CDH18: variants seen among roughly 807,000 people sequenced by gnomAD.
CDH18 encodes the protein cadherin-18.
Under a neutral mutation model 67.9 loss-of-function variants are expected in CDH18, and 31 were observed. The observed-to-expected ratio is 0.46, with a 90% CI of 0.34 to 0.62. CDH18 has a LOEUF of 0.62. Among genes scored for constraint, CDH18 ranks in the 20% least tolerant of loss-of-function variants. CDH18 has a pLI of 0.01. For synonymous variants in CDH18, 362 were observed against 347.2 expected, an observed-to-expected ratio of 1.04 and a Z score of -0.48; for missense variants, 890 against 975.5, an observed-to-expected ratio of 0.91 and a Z score of 1.17.
intron 4 of CDH18, among the ~76,000 whole-genome samples, chr5:19,731,205 T>C (rs1264239393): frequency 6.6e-6 from 1 of 152,116 alleles, no homozygotes; most frequent in Non-Finnish European, 1.5e-5. Context: ...ATCCCAGCAC[T>C]TTGGGAGGCC....
intron 1 of CDH18, among the ~76,000 whole-genome samples, chr5:20,526,947 G>A (rs2126540050): frequency 6.6e-6 from 1 of 152,138 alleles, no homozygotes; most frequent in East Asian, 1.9e-4. Context: ...GACAGAAGTA[G>A]GCTTCAGAAA....
chr5:20,343,156 C>T (rs1055878642), intron 1 of CDH18, among the ~76,000 whole-genome samples: 3 of 152,082 alleles, frequency 2.0e-5, no homozygotes, highest in South Asian at 2.1e-4. Flanking sequence ...GCAAGGTGGG[C>T]GTAGCTACCA....
chr5:20,542,543 G>GAT (rs1457368065), intron 1 of CDH18, among the ~76,000 whole-genome samples: 1 of 151,042 alleles, frequency 6.6e-6, no homozygotes, highest in Non-Finnish European at 1.5e-5. Context: ...TATGCATATG[G>GAT]ATATATATAC....
chr5:20,110,619 G>A (rs1747378449), intron 2 of CDH18, among the ~76,000 whole-genome samples: 1 of 152,062 alleles, frequency 6.6e-6, no homozygotes, highest in Non-Finnish European at 1.5e-5. Context: ...GGGAGGCAGA[G>A]GTTTCAGTTA....
chr5:20,265,000 A>T (rs1744923450), intron 1 of CDH18, among the ~76,000 whole-genome samples: 1 of 152,184 alleles, frequency 6.6e-6, no homozygotes, highest in African/African-American at 2.4e-5. Flanking sequence ...ATTGATAATG[A>T]TACGAGAGAC....
At chr5:19,850,356 T>A (rs1483319818) in intron 2 of CDH18, among the ~76,000 whole-genome samples, 3 of 151,930 alleles carry the variant, frequency 2.0e-5, no homozygotes, top group African/African-American at 7.2e-5. Flanking sequence ...CTTAAAATTA[T>A]AAAGTAAATG....
chr5:20,540,181 C>T (rs1171922104), intron 1 of CDH18, among the ~76,000 whole-genome samples: 1 of 152,130 alleles, frequency 6.6e-6, no homozygotes, highest in Non-Finnish European at 1.5e-5. Flanking sequence ...AGTAGAGAGA[C>T]TTGTGTCTTC....
chr5:19,811,062 G>A (rs1033050433), intron 3 of CDH18, among the ~76,000 whole-genome samples: 1 of 141,172 alleles, frequency 7.1e-6, no homozygotes, highest in Non-Finnish European at 1.5e-5. Flanking sequence ...AAAGGAAAAG[G>A]GAAGGGAGAA....
At chr5:20,330,593 C>T (rs1739079421) in intron 1 of CDH18, among the ~76,000 whole-genome samples, 1 of 152,140 alleles carries the variant, frequency 6.6e-6, no homozygotes, top group Non-Finnish European at 1.5e-5. Flanking sequence ...CTTCTAGCAA[C>T]ATTTGATTGG....
intron 10 of CDH18, among the ~76,000 whole-genome samples, chr5:19,508,718 C>T (rs1744630673): frequency 6.6e-6 from 1 of 151,994 alleles, no homozygotes; most frequent in East Asian, 1.9e-4. Context: ...GTTACTGTTA[C>T]TGTTACTGTT....
chr5:20,392,658 A>ATAG (rs1368175476), intron 1 of CDH18, among the ~76,000 whole-genome samples: 1 of 151,944 alleles, frequency 6.6e-6, no homozygotes, highest in Non-Finnish European at 1.5e-5. Context: ...GGTCTGGAAT[A>ATAG]TAGGTCTTTG....
chr5:19,623,847 A>G (rs1751080637), intron 5 of CDH18, among the ~76,000 whole-genome samples: 1 of 114,634 alleles, frequency 8.7e-6, no homozygotes, highest in African/African-American at 2.5e-5. Flanking sequence ...ACATAGGTCC[A>G]TAAGTAACTG....
intron 2 of CDH18, among the ~76,000 whole-genome samples, chr5:20,088,372 AT>A (rs1311031525): frequency 6.6e-6 from 1 of 152,220 alleles, no homozygotes; most frequent in Non-Finnish European, 1.5e-5. Flanking sequence ...AAGTTTCGGA[AT>A]GGTCATATGA....
At chr5:20,046,661 A>T (rs933693317) in intron 2 of CDH18, among the ~76,000 whole-genome samples, 3 of 149,124 alleles carry the variant, frequency 2.0e-5, no homozygotes, top group African/African-American at 7.3e-5. Flanking sequence ...TGTCTGTGTG[A>T]ATATGTGTGT....
chr5:20,433,140 TTC>T (rs1369549801), intron 1 of CDH18, among the ~76,000 whole-genome samples: 2 of 151,202 alleles, frequency 1.3e-5, no homozygotes, highest in Non-Finnish European at 2.9e-5. Flanking sequence ...AATTGTGTCC[TTC>T]TCCAATTTAT....
At chr5:20,342,128 G>A (rs758400397) in intron 1 of CDH18, among the ~76,000 whole-genome samples, 1 of 152,128 alleles carries the variant, frequency 6.6e-6, no homozygotes, top group East Asian at 1.9e-4. Flanking sequence ...CATATGAGTG[G>A]CTGACCTGCA....
At position 20,466,383 on chromosome 5, in the gene CDH18, C is replaced by T. The variant is rs998570190; in HGVS notation, c.-580+109079G>A. On this transcript the variant is annotated intron_variant, in intron 1 of 14. Transcript: ENST00000507958. Reference sequence around the variant, plus strand: ...TATTTCAGATTGGGAAGTTCTTTATCGGAAAATCAATAAAATCTTGCAGCC... The same window carrying T: ...TATTTCAGATTGGGAAGTTCTTTATTGGAAAATCAATAAAATCTTGCAGCC... Among the ~76,000 whole-genome samples, 49 of 152,118 alleles carry T rather than the reference C, an allele frequency of 3.2e-4. 1 individual carries two copies. Among genetic ancestry groups the T allele is most frequent in the Admixed American group, 3.0e-3 (46 of 15,276 alleles).
intron 2 of CDH18, among the ~76,000 whole-genome samples, chr5:20,030,134 A>G (rs906820648): frequency 1.3e-5 from 2 of 152,260 alleles, no homozygotes; most frequent in African/African-American, 4.8e-5. Flanking sequence ...CTTGTAATAC[A>G]ACTTTACTCT....
intron 2 of CDH18, among the ~76,000 whole-genome samples, chr5:20,206,186 C>T (rs943507053): frequency 1.3e-5 from 2 of 151,678 alleles, no homozygotes; most frequent in African/African-American, 2.4e-5. Flanking sequence ...ATGCAAAAAT[C>T]ATTAGACACT....
Sources: gnomAD v4.1 joint callset for allele counts (sites outside exome capture counted in the v4.1 genomes callset) on GRCh38, gnomAD v4.1.1 for gene constraint, MANE v1.5 for transcripts, NCBI Gene and HGNC (gene_info 2026-07-23, HGNC 2026-07-21) for gene names.